DOCK7: variants seen among roughly 807,000 people sequenced by gnomAD.
DOCK7 encodes dedicator of cytokinesis protein 7.
A neutral mutation model predicts 271.0 loss-of-function variants in DOCK7; 138 were observed. That is an observed-to-expected ratio of 0.51 (90% CI 0.44 to 0.59). The LOEUF (loss-of-function observed/expected upper bound fraction) is 0.59, where lower values mean the gene tolerates loss of function less well. Among genes scored for constraint, DOCK7 ranks in the 20% least tolerant of loss-of-function variants. The pLI, the probability that DOCK7 is intolerant of heterozygous loss-of-function variation, is 0.00. For synonymous variants in DOCK7, 823 were observed against 876.1 expected, an observed-to-expected ratio of 0.94 and a Z score of 1.07; for missense variants, 2,066 against 2,592.4, an observed-to-expected ratio of 0.80 and a Z score of 4.41.
intron 35 of DOCK7, among the ~76,000 whole-genome samples, chr1:62,507,170 CAG>C (rs374024810): frequency 1.3e-5 from 2 of 151,906 alleles, no homozygotes; most frequent in African/African-American, 4.8e-5. Context: ...GGGAAGAATA[CAG>C]AGTGAGTTAT....
chr1:62,464,674 T>A (rs1645624976), intron 48 of DOCK7, among the ~76,000 whole-genome samples: 1 of 150,880 alleles, frequency 6.6e-6, no homozygotes, highest in African/African-American at 2.4e-5. Context: ...AGAGAGAGAA[T>A]CCATCCCCCC....
At chr1:62,504,588 T>TTTCATTATGAATACAGAG (rs1553157928) in intron 37 of DOCK7, 42 bp downstream of exon 37, 2 of 1,576,982 alleles carry the variant, frequency 1.3e-6, no homozygotes, top group Non-Finnish European at 1.7e-6. Flanking sequence ...AGAAGTTATA[T>TTTCATTATGAATACAGAG]TTCATTATGA....
At chr1:62,638,561 T>C (rs1011461183) in intron 7 of DOCK7, among the ~76,000 whole-genome samples, 8 of 147,660 alleles carry the variant, frequency 5.4e-5, no homozygotes, top group African/African-American at 5.0e-5. Flanking sequence ...ATATATTTTT[T>C]CATGAATATA....
At chr1:62,590,315 A>T (rs1320613441) in intron 14 of DOCK7, among the ~76,000 whole-genome samples, 1 of 152,226 alleles carries the variant, frequency 6.6e-6, no homozygotes, top group East Asian at 1.9e-4. Flanking sequence ...TTTTAAAATA[A>T]GAAAGGTTTG....
At chr1:62,581,229 G>A (rs1647109736) in intron 16 of DOCK7, among the ~76,000 whole-genome samples, 2 of 152,092 alleles carry the variant, frequency 1.3e-5, no homozygotes, top group African/African-American at 4.8e-5. Flanking sequence ...AGTTCAATAA[G>A]TAAAGGGATT....
At position 62,561,601 on chromosome 1, in the gene DOCK7, A is replaced by T; in HGVS notation, c.2199+16T>A. The T allele has an allele frequency of 1.4e-6, 2 of 1,476,308 alleles. No individual in the cohort carries two copies. The highest frequency in any genetic ancestry group is 1.8e-6 in the Non-Finnish European group (2 of 1,108,284). 91.5% of individuals were successfully genotyped at this position (1,476,308 alleles called of 1,614,324 possible). A position where few individuals can be genotyped will look rare whatever the true frequency, so the allele number is the denominator to read the frequency against. ...TATTTAAGTGAAATTTGATAATAAA[A>T]ATTATTAAAACTCACTTGTGTATGG... On this transcript the variant is annotated intron_variant, in intron 19 of 49. Transcript: ENST00000635253.
chr1:62,533,290 T>C (rs143916675), intron 29 of DOCK7, among the ~76,000 whole-genome samples: 3,845 of 152,278 alleles, frequency 0.025, 77 homozygotes, highest in Middle Eastern at 0.054. Flanking sequence ...TTCTATTTAT[T>C]GTAACCAAAA....
chr1:62,556,450 T>A (rs1238646064), intron 20 of DOCK7, among the ~76,000 whole-genome samples: 3 of 141,252 alleles, frequency 2.1e-5, no homozygotes, highest in African/African-American at 7.9e-5. Context: ...TTGAAAATAA[T>A]AACAGTATAA....
intron 25 of DOCK7, among the ~76,000 whole-genome samples, chr1:62,540,748 C>A (rs1424001909): frequency 6.6e-6 from 1 of 152,066 alleles, no homozygotes; most frequent in South Asian, 2.1e-4. Flanking sequence ...AAGCTAAAGT[C>A]CTAAACTTAA....
intron 14 of DOCK7, among the ~76,000 whole-genome samples, chr1:62,602,591 T>G (rs988246912): frequency 2.0e-5 from 3 of 151,794 alleles, no homozygotes; most frequent in African/African-American, 7.2e-5. Flanking sequence ...CAATTACATG[T>G]CTGTTCTTAA....
At chr1:62,682,550 T>A (rs781556446) in intron 1 of DOCK7, among the ~76,000 whole-genome samples, 4 of 152,026 alleles carry the variant, frequency 2.6e-5, no homozygotes, top group Non-Finnish European at 4.4e-5. Flanking sequence ...TGTAACTTTT[T>A]AAAAAAACAG....
chr1:62,530,643 TG>T (rs1165178123), intron 29 of DOCK7: 1 of 154,306 alleles, frequency 6.5e-6, no homozygotes, highest in Admixed American at 6.5e-5. Context: ...AGCAAACAGC[TG>T]AGAGATGGCC....
At chr1:62,532,914 T>G (rs911773419) in intron 29 of DOCK7, among the ~76,000 whole-genome samples, 1 of 152,110 alleles carries the variant, frequency 6.6e-6, no homozygotes, top group Admixed American at 6.6e-5. Flanking sequence ...CACAGGGCCT[T>G]AAGAACCTAT....
chr1:62,494,342 A>G lies in DOCK7; in HGVS notation c.5150T>C (p.Leu1717Pro), dbSNP rs1241511573. Residue 1717 changes from leucine (L) to proline (P), a missense_variant, in exon 40 of 50, where the codon CTT (leucine) becomes CCT (proline). By Grantham distance (98) the Leu-to-Pro change is moderately conservative. Around this residue, in one of 2 missense-constraint regions of DOCK7, gnomAD observed 652 missense variants for 922.1 expected, o/e 0.71. Coordinates refer to ENST00000635253, the MANE Select transcript of DOCK7 (RefSeq NM_001367561.1). ...AAQCLVHSAALVAEYLSMLED... is the reference protein window; with the variant it reads ...AAQCLVHSAAPVAEYLSMLED... ...CAGCATGCTCAAATATTCAGCAACA[A>G]GTGCTGCTGAGTGGACTAGACACTG... 6.2e-7 allele frequency: 1 copy of G among 1,610,046 alleles called. No homozygotes were observed. Among genetic ancestry groups the G allele is most frequent in the Non-Finnish European group, 8.5e-7 (1 of 1,177,122 alleles).
chr1:62,615,101 A>ATT (rs1170730995), intron 14 of DOCK7, among the ~76,000 whole-genome samples: 1 of 151,886 alleles, frequency 6.6e-6, no homozygotes, highest in African/African-American at 2.4e-5. Context: ...TAGTCGTACC[A>ATT]TTTCAAGTAA....
intron 1 of DOCK7, among the ~76,000 whole-genome samples, chr1:62,666,933 A>G (rs1659387184): frequency 6.6e-6 from 1 of 152,224 alleles, no homozygotes; most frequent in South Asian, 2.1e-4. Context: ...CTCCATTCCT[A>G]CAAGCTACGT....
intron 48 of DOCK7, among the ~76,000 whole-genome samples, chr1:62,472,352 G>A (rs1477169493): frequency 6.6e-6 from 1 of 152,028 alleles, no homozygotes; most frequent in Non-Finnish European, 1.5e-5. Context: ...TGATCCACCC[G>A]CCTCGGCCTC....
chr1:62,556,914 C>T (rs1646162685), intron 20 of DOCK7, among the ~76,000 whole-genome samples: 1 of 152,086 alleles, frequency 6.6e-6, no homozygotes, highest in South Asian at 2.1e-4. Context: ...CTGGTTAATC[C>T]TTTTCCTTTT....
intron 31 of DOCK7, among the ~76,000 whole-genome samples, chr1:62,526,435 T>G (rs996284685): frequency 1.3e-5 from 2 of 152,146 alleles, no homozygotes; most frequent in South Asian, 2.1e-4. Flanking sequence ...TGATGAGGAT[T>G]TGGAGAACAG....
Sources: allele counts gnomAD v4.1 joint callset (sites outside exome capture counted in the v4.1 genomes callset), GRCh38; gene constraint gnomAD v4.1.1; regional missense constraint gnomAD v4.1.1; transcripts MANE v1.5; gene names NCBI Gene and HGNC (gene_info 2026-07-23, HGNC 2026-07-21).